MAPKAPK5: variants seen among roughly 807,000 people sequenced by gnomAD.
MAPKAPK5 encodes the protein MAPK activated protein kinase 5.
Under a neutral mutation model 65.1 loss-of-function variants are expected in MAPKAPK5, and 30 were observed. That is an observed-to-expected ratio of 0.46 (90% confidence interval 0.34 to 0.63). MAPKAPK5 has a LOEUF of 0.63. Ranked by LOEUF, MAPKAPK5 falls within the 20% of genes least tolerant of loss-of-function variation. The pLI, the probability that MAPKAPK5 is intolerant of heterozygous loss-of-function variation, is 0.01. For synonymous variants in MAPKAPK5, 179 were observed against 204.6 expected (o/e 0.87, Z 1.07); for missense variants, 433 against 581.4 (o/e 0.74, Z 2.63).
chr12:111,873,362 C>T lies in MAPKAPK5; in HGVS notation c.579+2182C>T, dbSNP rs1028256829. ...TTTGTTTGTTTGTTTGTTTTTGAGA[C>T]GGAGTTTCATTCTTTTTGCCCAGCC... On this transcript the variant is annotated intron_variant, in intron 7 of 13. Transcript: ENST00000550735. 5.9e-5 allele frequency among the ~76,000 whole-genome samples: 9 copies of T among 152,000 alleles called. 2 individuals are homozygous for T. The South Asian group carries it at 1.7e-3, about 28-fold the overall frequency.
chr12:111,889,845 A>G, intron 12 of MAPKAPK5, 195 bp from the exon 13 acceptor site: 1 of 514,006 alleles, frequency 1.9e-6, no homozygotes, highest in Non-Finnish European at 3.5e-6. Flanking sequence ...TAAAGATGTC[A>G]GAGTAAAAAA....
chr12:111,860,066 G>A (rs879546022), intron 1 of MAPKAPK5, among the ~76,000 whole-genome samples: 3 of 152,208 alleles, frequency 2.0e-5, no homozygotes, highest in East Asian at 1.9e-4. Flanking sequence ...GTGAAACTCC[G>A]TCTCAAAAGA....
intron 1 of MAPKAPK5, among the ~76,000 whole-genome samples, chr12:111,848,412 AT>A (rs57942830): frequency 0.071 from 8,701 of 123,146 alleles, 893 homozygotes; most frequent in East Asian, 0.56. Context: ...CTTTTGCCCC[AT>A]TTTTTTTTTT....
intron 1 of MAPKAPK5, among the ~76,000 whole-genome samples, chr12:111,864,958 G>C (rs1389239189): frequency 2.0e-5 from 3 of 152,164 alleles, no homozygotes; most frequent in Non-Finnish European, 4.4e-5. Context: ...CTTCCTCTCA[G>C]AACCCCCCAA....
rs867946905 is a variant in MAPKAPK5, at chr12:111,896,280, G to A, written c.*3219G>A. The stretch of plus-strand genomic sequence containing the variant: ...TTGACTCTGAGCATCAGTTGCCCGT[G>A]TTTCAGTCACTTCAAGCTGAATTCA... On this transcript the variant is annotated 3_prime_UTR_variant, in exon 14 of 14. Transcript: ENST00000550735. 2 of 152,238 alleles carry A rather than the reference G, an allele frequency of 1.3e-5. No individual in the cohort carries two copies. The highest frequency in any genetic ancestry group is 3.4e-3 in the Middle Eastern group (1 of 294). The allele number at this position is 152,238 out of a possible 1,614,324, so 9.4% of individuals were successfully genotyped here. A position where few individuals can be genotyped will look rare whatever the true frequency, so the allele number is the denominator to read the frequency against.
At chr12:111,856,847 T>C (rs2136085327) in intron 1 of MAPKAPK5, among the ~76,000 whole-genome samples, 1 of 152,370 alleles carries the variant, frequency 6.6e-6, no homozygotes, top group African/African-American at 2.4e-5. Flanking sequence ...ATAAAATATA[T>C]TTACAGCCTT....
intron 7 of MAPKAPK5, among the ~76,000 whole-genome samples, chr12:111,871,833 A>G (rs113633396): frequency 7.2e-5 from 11 of 152,304 alleles, no homozygotes; most frequent in African/African-American, 2.6e-4. Flanking sequence ...GCCACTTTGC[A>G]GTCAGTCCCC....
At position 111,897,716 on chromosome 12, in the gene MAPKAPK5, A is replaced by G. The variant is rs1320543024; in HGVS notation, c.*4655A>G. On this transcript the variant is annotated 3_prime_UTR_variant, in exon 14 of 14. Coordinates refer to ENST00000550735, the MANE Select transcript of MAPKAPK5 (RefSeq NM_003668.4). ...GTATAAATTTTCTTGCTAGATGCTAATGATACATTGTATTATCTGTATTAG... is the reference window on the plus strand; with the variant it reads ...GTATAAATTTTCTTGCTAGATGCTAGTGATACATTGTATTATCTGTATTAG... 1 of 152,204 alleles carries G rather than the reference A, an allele frequency of 6.6e-6. No homozygotes were observed. Among genetic ancestry groups the G allele is most frequent in the African/African-American group, 2.4e-5 (1 of 41,454 alleles). The allele number at this position is 152,204 out of a possible 1,614,324, so 9.4% of individuals were successfully genotyped here.
intron 1 of MAPKAPK5, among the ~76,000 whole-genome samples, chr12:111,858,114 A>G (rs1160849785): frequency 6.6e-6 from 1 of 152,142 alleles, no homozygotes; most frequent in African/African-American, 2.4e-5. Context: ...CATGTTGCCC[A>G]GGCTGGTCTT....
chr12:111,893,996 G>C lies in MAPKAPK5; in HGVS notation c.*935G>C. On this transcript the variant is annotated 3_prime_UTR_variant, in exon 14 of 14. Transcript: ENST00000550735. ...CTCCCAAAGTGCTGGGATTACAGGC[G>C]TGAGCCACTGTGCCCGGCCTTGGGT... 6.5e-6 allele frequency: 1 copy of C among 154,764 alleles called. No homozygotes were observed. Among genetic ancestry groups the C allele is most frequent in the South Asian group, 2.0e-4 (1 of 4,946 alleles). 9.6% of individuals were successfully genotyped at this position (154,764 alleles called of 1,614,324 possible). A position where few individuals can be genotyped will look rare whatever the true frequency, so the allele number is the denominator to read the frequency against.
intron 1 of MAPKAPK5, among the ~76,000 whole-genome samples, chr12:111,861,566 T>C (rs2069437144): frequency 6.6e-6 from 1 of 152,154 alleles, no homozygotes. Flanking sequence ...GACCTCATGA[T>C]CTGCCTGCTT....
intron 7 of MAPKAPK5, among the ~76,000 whole-genome samples, chr12:111,874,834 G>T (rs1338614531): frequency 4.7e-5 from 7 of 149,334 alleles, no homozygotes; most frequent in Non-Finnish European, 1.0e-4. Context: ...GAGTGCAGTG[G>T]CGCAATCTCG....
intron 7 of MAPKAPK5, among the ~76,000 whole-genome samples, chr12:111,875,802 C>T (rs531567451): frequency 3.9e-5 from 6 of 152,244 alleles, no homozygotes; most frequent in East Asian, 3.9e-4. Context: ...CTTCCTCCTG[C>T]GCTCTGCCAT....
intron 3 of MAPKAPK5, 58 bp downstream of exon 3, chr12:111,866,289 T>G: frequency 6.8e-7 from 1 of 1,477,212 alleles, no homozygotes; most frequent in Non-Finnish European, 9.2e-7. Flanking sequence ...ATTGTTCTTT[T>G]GCAAGTAAGG....
chr12:111,874,048 T>G (rs1444733268), intron 7 of MAPKAPK5, among the ~76,000 whole-genome samples: 1 of 152,180 alleles, frequency 6.6e-6, no homozygotes, highest in African/African-American at 2.4e-5. Context: ...TTGCACATAT[T>G]TTCTTAAATT....
In MAPKAPK5 at chr12:111,883,523, G is replaced by T. The variant is rs1056754239; in HGVS notation, c.661-58G>T. Reference sequence around the variant, plus strand: ...GGGCTATTCCTGAGCCTGTCATGGGGTGTTTATTTGGGGGCTCTGCTTCTG... The same window carrying T: ...GGGCTATTCCTGAGCCTGTCATGGGTTGTTTATTTGGGGGCTCTGCTTCTG... On this transcript the variant is annotated intron_variant, in intron 8 of 13. Coordinates refer to ENST00000550735, the MANE Select transcript of MAPKAPK5 (RefSeq NM_003668.4). This position sits in a 1 kb window ranked among gnomAD's most constrained non-coding sequence, Gnocchi z 4.8. 11 of 1,478,578 alleles carry T rather than the reference G, an allele frequency of 7.4e-6. No individual in the cohort carries two copies. Among genetic ancestry groups the T allele is most frequent in the Non-Finnish European group, 1.0e-5 (11 of 1,069,686 alleles). 91.6% of individuals were successfully genotyped at this position (1,478,578 alleles called of 1,614,324 possible).
chr12:111,866,440 C>T (rs1344658897), intron 3 of MAPKAPK5, among the ~76,000 whole-genome samples: 1 of 152,200 alleles, frequency 6.6e-6, no homozygotes, highest in Non-Finnish European at 1.5e-5. Flanking sequence ...TTTCAGCCAC[C>T]TCTTGTTCTT....
At chr12:111,851,136 G>A (rs575914657) in intron 1 of MAPKAPK5, among the ~76,000 whole-genome samples, 1 of 152,262 alleles carries the variant, frequency 6.6e-6, no homozygotes, top group African/African-American at 2.4e-5. Context: ...AACCTCAAGT[G>A]ATCCGCCTGC....
Position 111,883,637 on chromosome 12 carries a change from T to A in MAPKAPK5, c.717T>A (p.Pro239=). Residue 239 remains proline (P), a synonymous_variant, in exon 9 of 14, where the codon CCT becomes CCA. Transcript: ENST00000550735. The surrounding 1 kb of genome is among the most constrained non-coding windows in gnomAD (Gnocchi z 4.8). The part of the protein sequence containing the change: ...VIIYVMLCGY[P]PFYSKHHSRT... Reference sequence around the variant, plus strand: ...TCTATGTGATGCTGTGCGGATACCCTCCTTTTTACTCCAAACACCACAGCC... The same window carrying A: ...TCTATGTGATGCTGTGCGGATACCCACCTTTTTACTCCAAACACCACAGCC... The A allele has an allele frequency of 6.2e-7, 1 of 1,613,978 alleles. No homozygotes were observed. Among genetic ancestry groups the A allele is most frequent in the East Asian group, 2.2e-5 (1 of 44,886 alleles).
Sources: allele counts gnomAD v4.1 joint callset (sites outside exome capture counted in the v4.1 genomes callset), GRCh38; gene constraint gnomAD v4.1.1; non-coding constraint Gnocchi (gnomAD v3.1); transcripts MANE v1.5; gene names NCBI Gene and HGNC (gene_info 2026-07-23, HGNC 2026-07-21).